The following CORO7 variants were observed in gnomAD, a reference collection of about 807,000 sequenced individuals.
CORO7 encodes the protein coronin 7.
Under a neutral mutation model 126.6 loss-of-function variants are expected in CORO7, and 107 were observed. The observed-to-expected ratio is 0.85, with a 90% CI of 0.72 to 0.99. CORO7 has a LOEUF of 0.99. Among genes scored for constraint, CORO7 ranks in the 50% least tolerant of loss-of-function variants. The pLI, the probability that CORO7 is intolerant of heterozygous loss-of-function variation, is 0.00. For missense variants in CORO7, 1,314 were observed against 1,255.8 expected, an observed-to-expected ratio of 1.05 and a Z score of -0.70; for synonymous variants, 603 against 536.8, an observed-to-expected ratio of 1.12 and a Z score of -1.70.
intron 6 of CORO7, among the ~76,000 whole-genome samples, chr16:4,401,563 G>A (rs2055809321): frequency 1.3e-5 from 2 of 152,222 alleles, no homozygotes; most frequent in South Asian, 4.1e-4. Context: ...ACAGAGAGAG[G>A]AGGATGAGAG....
At chr16:4,392,705 G>T (rs1352970463) in intron 7 of CORO7, among the ~76,000 whole-genome samples, 6 of 152,242 alleles carry the variant, frequency 3.9e-5, no homozygotes, top group African/African-American at 1.2e-4. Flanking sequence ...TCTCCCTCGA[G>T]CCGGCCCCTC....
rs1044013403 is a variant in CORO7, at chr16:4,415,711, T to A, written c.60+748A>T. 4.1e-6 allele frequency: 4 copies of A among 985,356 alleles called. No homozygotes were observed. In the African/African-American group the frequency reaches 5.2e-5, roughly 13 times the overall value. 61.0% of individuals were successfully genotyped at this position (985,356 alleles called of 1,614,324 possible). On this transcript the variant is annotated intron_variant, in intron 1 of 27. Transcript: ENST00000251166. Reference sequence around the variant, plus strand: ...AGTTATCGGAGGACACTCCCAGGCCTTACAAATAACACGGAAAGCGGAAGA... The same window carrying A: ...AGTTATCGGAGGACACTCCCAGGCCATACAAATAACACGGAAAGCGGAAGA...
At chr16:4,399,518 T>C (rs1352524155) in intron 6 of CORO7, among the ~76,000 whole-genome samples, 1 of 152,136 alleles carries the variant, frequency 6.6e-6, no homozygotes, top group Non-Finnish European at 1.5e-5. Context: ...GAACTGCTGT[T>C]TAATGGGTAT....
rs769611777 is a variant in CORO7, at chr16:4,361,498, C to T, written c.1579-29G>A. ...TGGGAGGTGCCCCCACCCCGAGGCC[C>T]ATCAGTACCAGGCAGAAAAGCCAGT... On this transcript the variant is annotated intron_variant, in intron 16 of 27. Coordinates refer to ENST00000251166, the MANE Select transcript of CORO7 (RefSeq NM_024535.5). 3.1e-5 allele frequency: 50 copies of T among 1,607,892 alleles called. 1 individual carries two copies. In the Admixed American group the frequency reaches 8.3e-4, roughly 27 times the overall value.
At chr16:4,366,768 C>T (rs1029160835) in intron 9 of CORO7, among the ~76,000 whole-genome samples, 2 of 152,072 alleles carry the variant, frequency 1.3e-5, no homozygotes, top group Admixed American at 6.6e-5. Context: ...GTCTCAAACT[C>T]CTGGCCTCAA....
rs904159604 is a variant in CORO7 at position 4,416,344 on chromosome 16, G to T, written c.60+115C>A. 9 of 1,321,790 alleles carry T rather than the reference G, an allele frequency of 6.8e-6. No homozygotes were observed. The African/African-American group carries it at 1.4e-4, about 20-fold the overall frequency. 81.9% of individuals were successfully genotyped at this position (1,321,790 alleles called of 1,614,324 possible). ...GCCTGAAGGGGGGTTCCCCGGGGATGGAGGTCTCGGGGTTCCAGACGGCCC... is the reference window on the plus strand; with the variant it reads ...GCCTGAAGGGGGGTTCCCCGGGGATTGAGGTCTCGGGGTTCCAGACGGCCC... On this transcript the variant is annotated intron_variant, in intron 1 of 27. Transcript: ENST00000251166.
chr16:4,364,944 C>A (rs764609024), intron 11 of CORO7, 24 bp from the exon 12 acceptor site: 2 of 1,608,590 alleles, frequency 1.2e-6, no homozygotes, highest in Non-Finnish European at 1.7e-6. Context: ...CATAGGGGAA[C>A]AGGCAGGATG....
Position 4,364,834 on chromosome 16 carries a change from G to A in CORO7, c.985C>T (p.Arg329Cys), listed in dbSNP as rs373183563. 110 of 1,612,072 alleles carry A rather than the reference G, an allele frequency of 6.8e-5. No individual in the cohort carries two copies. Among genetic ancestry groups the A allele is most frequent in the East Asian group, 8.9e-5 (4 of 44,890 alleles). ...GCTGTGTCGCTCAGCTGTAGGACGC[G>A]GAGTACCTCGCAGCTCATGACGGCC... ...ALAVMSCEVL[R>C]VLQLSDTAIV... The change falls in exon 12 of 28, where the codon CGC becomes TGC. Residue 329 changes from arginine to cysteine, a missense_variant. Transcript: ENST00000251166.
At chr16:4,409,007 G>C (rs575054236) in intron 3 of CORO7, among the ~76,000 whole-genome samples, 1 of 152,238 alleles carries the variant, frequency 6.6e-6, no homozygotes, top group East Asian at 1.9e-4. Context: ...TCCAGAGGTG[G>C]GGAGGGGTAG....
At chr16:4,363,097 C>T (rs568615609) in intron 14 of CORO7, 1 of 185,062 alleles carries the variant, frequency 5.4e-6, no homozygotes, top group Non-Finnish European at 1.1e-5. Context: ...CAAGTTCCTT[C>T]TTTATGCTCC....
chr16:4,359,400 G>A lies in CORO7; in HGVS notation c.2251-15C>T. ...CGGGTGTCGCCCTGCGGGGAAGAAGGCAGGCTGGGAACCCTCCGGCAACAC... is the reference window on the plus strand; with the variant it reads ...CGGGTGTCGCCCTGCGGGGAAGAAGACAGGCTGGGAACCCTCCGGCAACAC... On this transcript the variant is annotated splice_polypyrimidine_tract_variant and intron_variant, in intron 22 of 27. Transcript: ENST00000251166. 2 of 1,613,598 alleles carry A rather than the reference G, an allele frequency of 1.2e-6. No individual in the cohort carries two copies. The highest frequency in any genetic ancestry group is 1.3e-5 in the African/African-American group (1 of 75,036).
Position 4,365,539 on chromosome 16 carries a change from G to C in CORO7, c.792C>G (p.Leu264=). The part of the protein sequence containing the change: ...SLTLDTSLGC[L]VPLLDPDSGL... ...CAGAGTCAGGGTCCAGCAGAGGCAC[G>C]AGACACCTGGGGAAGAGAGGGCAAG... The change falls in exon 10 of 28, where the codon CTC becomes CTG. Residue 264 remains leucine (L), a synonymous_variant. Transcript: ENST00000251166. 3.8e-6 allele frequency: 6 copies of C among 1,580,878 alleles called. No individual in the cohort carries two copies. Among genetic ancestry groups the C allele is most frequent in the Non-Finnish European group, 4.3e-6 (5 of 1,163,696 alleles).
At chr16:4,392,708 G>A (rs1224474327) in intron 7 of CORO7, among the ~76,000 whole-genome samples, 6 of 152,216 alleles carry the variant, frequency 3.9e-5, no homozygotes, top group Admixed American at 1.3e-4. Flanking sequence ...CCCTCGAGCC[G>A]GCCCCTCGGC....
At chr16:4,385,447 C>T (rs1462931250) in intron 9 of CORO7, among the ~76,000 whole-genome samples, 1 of 152,178 alleles carries the variant, frequency 6.6e-6, no homozygotes, top group Non-Finnish European at 1.5e-5. Context: ...CCCTCACAGG[C>T]ATTCACACAC....
intron 10 of CORO7, 67 bp from the exon 11 acceptor site, chr16:4,365,127 C>T (rs910364772): frequency 3.9e-6 from 6 of 1,548,398 alleles, no homozygotes; most frequent in South Asian, 1.2e-5. Context: ...GGACTGGCAT[C>T]AGCTCCCCCA....
chr16:4,357,933 C>G (rs2054031454), intron 25 of CORO7, 35 bp downstream of exon 25: 1 of 1,575,864 alleles, frequency 6.3e-7, no homozygotes, highest in Non-Finnish European at 8.7e-7. Flanking sequence ...CAACCCCCAT[C>G]CCGCTTCCTC....
chr16:4,412,393 C>T lies in CORO7; in HGVS notation c.195G>A (p.Glu65=), dbSNP rs1364000848. The T allele has an allele frequency of 1.4e-5, 23 of 1,614,222 alleles. No homozygotes were observed. Among genetic ancestry groups the T allele is most frequent in the South Asian group, 2.2e-5 (2 of 91,090 alleles). Reference sequence around the variant, plus strand: ...CCAGGTGGGCCACGCGTCGCTTGTCCTCTCCTTGGCCTTGCAGAGGCACAA... The same window carrying T: ...CCAGGTGGGCCACGCGTCGCTTGTCTTCTCCTTGGCCTTGCAGAGGCACAA... ...LGIVPLQGQG[E]DKRRVAHLGC... is the part of the protein sequence containing the mutation. Residue 65 remains glutamate (E), a synonymous_variant, in exon 3 of 28, where the codon GAG becomes GAA. Coordinates refer to ENST00000251166, the MANE Select transcript of CORO7 (RefSeq NM_024535.5).
At chr16:4,356,976 C>T in intron 26 of CORO7, 192 bp downstream of exon 26, 2 of 761,494 alleles carry the variant, frequency 2.6e-6, no homozygotes, top group South Asian at 3.6e-5. Context: ...GCTCCCACTG[C>T]CCTCCCCCAC....
intron 19 of CORO7, among the ~76,000 whole-genome samples, 191 bp downstream of exon 19, chr16:4,360,752 C>T (rs2054144384): frequency 6.9e-6 from 1 of 145,342 alleles, no homozygotes; most frequent in Admixed American, 6.8e-5. Context: ...TAGCCCGGCC[C>T]CTCCTCACCG....
Sources: allele counts gnomAD v4.1 joint callset (sites outside exome capture counted in the v4.1 genomes callset), GRCh38; gene constraint gnomAD v4.1.1; transcripts MANE v1.5; gene names NCBI Gene and HGNC (gene_info 2026-07-23, HGNC 2026-07-21).